The following PRAM1 variants were observed in gnomAD, a reference collection of about 807,000 sequenced individuals.
PRAM1 encodes the protein PML-RARA-regulated adapter molecule 1.
PRAM1 carries 41 observed loss-of-function variants against 55.3 expected under a neutral mutation model. The ratio of observed to expected loss-of-function variants is 0.74; its 90% CI spans 0.58 to 0.96. PRAM1 has a LOEUF of 0.96. Among genes scored for constraint, PRAM1 ranks in the 40% least tolerant of loss-of-function variants. PRAM1 has a pLI of 0.00. For missense variants in PRAM1, 898 were observed against 892.7 expected (o/e 1.01, Z -0.08); for synonymous variants, 401 against 387.1 (o/e 1.04, Z -0.42).
Position 8,490,910 on chromosome 19 carries a change from T to A in PRAM1, c.1720A>T (p.Arg574Trp), listed in dbSNP as rs1299249711. Residue 574 changes from arginine (R) to tryptophan (W), a missense_variant, in exon 6 of 10, where the codon AGG becomes TGG. Physicochemically the swap from Arg to Trp is moderately radical, Grantham distance 101. Transcript: ENST00000423345. This position sits in a 1 kb window ranked among gnomAD's most constrained non-coding sequence, Gnocchi z 7.3. ...ACCTTGAACTTCTTCCGGAACTCCC[T>A]CTCGGCCTTCTCTGCCTTCCTCAGC... is the stretch of plus-strand genomic sequence containing the variant. ...KQLRKAEKAEREFRKKFKFEG... is the reference protein window; with the variant it reads ...KQLRKAEKAEWEFRKKFKFEG... 1.2e-6 allele frequency: 2 copies of A among 1,613,696 alleles called. No individual in the cohort carries two copies. Among genetic ancestry groups the A allele is most frequent in the Non-Finnish European group, 1.7e-6 (2 of 1,179,894 alleles).
At chr19:8,498,113 C>T in intron 3 of PRAM1, 110 bp downstream of exon 3, 1 of 1,193,830 alleles carries the variant, frequency 8.4e-7, no homozygotes, top group Admixed American at 2.1e-5. Context: ...CTCCTGACTT[C>T]AGGAGATCCG....
intron 4 of PRAM1, 179 bp from the exon 5 acceptor site, chr19:8,491,336 C>T (rs1055608368): frequency 2.4e-5 from 16 of 655,830 alleles, no homozygotes; most frequent in African/African-American, 9.0e-5. Flanking sequence ...TGGGTTCAAG[C>T]GATTCTCCTA....
intron 1 of PRAM1, among the ~76,000 whole-genome samples, chr19:8,501,082 C>G (rs1020470199): frequency 1.3e-5 from 2 of 149,770 alleles, no homozygotes; most frequent in African/African-American, 5.0e-5. Flanking sequence ...CTAGACCACC[C>G]TATTTTTCTT....
At chr19:8,497,872 T>C in intron 3 of PRAM1, 32 bp from the exon 4 acceptor site, 1 of 625,944 alleles carries the variant, frequency 1.6e-6, no homozygotes, top group Non-Finnish European at 2.2e-6. Context: ...GGCCTCTTCT[T>C]TTTTTTTTTT....
chr19:8,491,197 C>T (rs767047648), intron 4 of PRAM1, 40 bp from the exon 5 acceptor site: 66 of 1,583,976 alleles, frequency 4.2e-5, no homozygotes, highest in Admixed American at 1.4e-4. Context: ...CAGGGCCCGC[C>T]GGCTCAGCCT....
chr19:8,502,491 G>T, intron 1 of PRAM1, 74 bp downstream of exon 1: 3 of 649,360 alleles, frequency 4.6e-6, no homozygotes, highest in Non-Finnish European at 8.0e-6. Context: ...TCCACAGGTG[G>T]ATCCTATCCT....
At position 8,490,623 on chromosome 19, in the gene PRAM1, T is replaced by A. The variant is rs201703893; in HGVS notation, c.1877A>T (p.Glu626Val). The part of the protein sequence containing the change: ...LEVIEFTSNE[E>V]MLCRDPKGKY... The stretch of plus-strand genomic sequence containing the variant: ...GCCTTTGGGGTCCCGGCACAGCATC[T>A]CCTCATTGCTGGTGAACTCGATCAC... Residue 626 changes from glutamate (E) to valine (V), a missense_variant, in exon 7 of 10, where the codon GAG (glutamate) becomes GTG (valine). Coordinates refer to ENST00000423345, the MANE Select transcript of PRAM1 (RefSeq NM_032152.5). The surrounding 1 kb of genome is among the most constrained non-coding windows in gnomAD (Gnocchi z 7.3). 3.3e-4 allele frequency: 522 copies of A among 1,584,976 alleles called. No homozygotes were observed. The African/African-American group carries it at 6.4e-3, about 19-fold the overall frequency.
In PRAM1 at chr19:8,490,670, G is replaced by A; in HGVS notation, c.1830C>T (p.Ile610=). The A allele has an allele frequency of 6.3e-7, 1 of 1,597,148 alleles. No individual in the cohort carries two copies. Among genetic ancestry groups the A allele is most frequent in the Non-Finnish European group, 8.5e-7 (1 of 1,171,916 alleles). The change falls in exon 7 of 10, where the codon ATC becomes ATT. Residue 610 remains isoleucine (I), a synonymous_variant. Transcript: ENST00000423345. The surrounding 1 kb of genome is among the most constrained non-coding windows in gnomAD (Gnocchi z 7.3). ...TCACCTCCAGGATCTCCCCGCGCCG[G>A]ATCCCGAGGTGCTTGCCACCCCCGC... ...TRRGGGKHLG[I]RRGEILEVIE...
Position 8,491,127 on chromosome 19 carries a change from C to T in PRAM1, c.1607G>A (p.Arg536Lys), listed in dbSNP as rs1454510761. The T allele has an allele frequency of 1.2e-6, 2 of 1,612,032 alleles. No individual in the cohort carries two copies. The highest frequency in any genetic ancestry group is 1.7e-6 in the Non-Finnish European group (2 of 1,179,826). Residue 536 changes from arginine to lysine, a missense_variant, in exon 5 of 10, where the codon AGG (arginine) becomes AAG (lysine). By Grantham distance (26) the Arg-to-Lys change is conservative (BLOSUM62 2). Coordinates refer to ENST00000423345, the MANE Select transcript of PRAM1 (RefSeq NM_032152.5). ...DEAPSVQQAA[R>K]RPPQDPALRK... ...GAGCGCTGGGTCTTGTGGTGGCCTC[C>T]TGGCGGCTTGCTGAACTGAGGGCGC...
intron 1 of PRAM1, 106 bp from the exon 2 acceptor site, chr19:8,499,886 C>G (rs1473814791): frequency 3.1e-6 from 3 of 980,464 alleles, no homozygotes; most frequent in Non-Finnish European, 4.4e-6. Context: ...CACCCCTGCG[C>G]CCAGGCCCGG....
rs1230153329 is a variant in PRAM1 at position 8,499,104 on chromosome 19, C to T, written c.704G>A (p.Gly235Asp). 7 of 1,612,888 alleles carry T rather than the reference C, an allele frequency of 4.3e-6. No homozygotes were observed. Among genetic ancestry groups the T allele is most frequent in the Admixed American group, 1.7e-5 (1 of 59,938 alleles). The change falls in exon 2 of 10, where the codon GGC becomes GAC. Residue 235 changes from glycine (G) to aspartate (D), a missense_variant. By Grantham distance (94) the Gly-to-Asp change is moderately conservative. Around this residue, in one of 4 missense-constraint regions of PRAM1, gnomAD observed 787 missense variants for 735.4 expected, o/e 1.07. Coordinates refer to ENST00000423345, the MANE Select transcript of PRAM1 (RefSeq NM_032152.5). ...CTGCGGCACGGACTTCTTAGGGAGG[C>T]CACCGACCTGAGGCTGCGGAGGCTT... ...PKKPPQPQVG[G>D]LPKKSVPQPE...
rs368204225 is a variant in PRAM1 at position 8,498,270 on chromosome 19, C to G, written c.1452G>C (p.Ser484=). The change falls in exon 3 of 10, where the codon TCG becomes TCC. Residue 484 remains serine, a synonymous_variant. Transcript: ENST00000423345. ...AASIDLRRTR[S]AAGLHFQDRQ... is the part of the protein sequence containing the mutation. ...GGTCCTGGAAGTGGAGCCCAGCGGC[C>G]GAGCGGGTCCTCCGTAGATCTGTGG... 2 of 1,612,630 alleles carry G rather than the reference C, an allele frequency of 1.2e-6. No individual in the cohort carries two copies. Among genetic ancestry groups the G allele is most frequent in the African/African-American group, 1.3e-5 (1 of 75,030 alleles).
At position 8,493,901 on chromosome 19, in the gene PRAM1, G is replaced by A. The variant is rs146886497; in HGVS notation, c.1577-2744C>T. On this transcript the variant is annotated intron_variant, in intron 4 of 9. Coordinates refer to ENST00000423345, the MANE Select transcript of PRAM1 (RefSeq NM_032152.5). The surrounding 1 kb of genome is among the most constrained non-coding windows in gnomAD (Gnocchi z 4.1). ...CAGCCTCCATCTCCTGGATTCAAGC[G>A]ATCCTCCCACCTCAGCCTCCCCAGA... 4.3e-3 allele frequency among the ~76,000 whole-genome samples: 657 copies of A among 152,000 alleles called. 7 individuals carry two copies. Among genetic ancestry groups the A allele is most frequent in the African/African-American group, 0.015 (629 of 41,438 alleles).
chr19:8,500,265 G>A (rs369157422), intron 1 of PRAM1, among the ~76,000 whole-genome samples: 20 of 151,494 alleles, frequency 1.3e-4, no homozygotes, highest in Non-Finnish European at 2.4e-4. Flanking sequence ...GAGCCGCCGC[G>A]CCCAGGCCCC....
chr19:8,497,870 CT>C (rs58671333), intron 3 of PRAM1, 30 bp from the exon 4 acceptor site: 41,536 of 353,602 alleles, frequency 0.12, 3 homozygotes, highest in Middle Eastern at 0.14. Context: ...GAGGCCTCTT[CT>C]TTTTTTTTTT....
Position 8,502,491 on chromosome 19 carries a change from G to C in PRAM1, c.27+74C>G. 18 of 649,366 alleles carry C rather than the reference G, an allele frequency of 2.8e-5. 1 individual carries two copies. Among genetic ancestry groups the C allele is most frequent in the Non-Finnish European group, 4.8e-5 (18 of 375,810 alleles). The allele number at this position is 649,366 out of a possible 1,614,324, so 40.2% of individuals were successfully genotyped here. A position where few individuals can be genotyped will look rare whatever the true frequency, so the allele number is the denominator to read the frequency against. ...CCCCCCGCCCGCCCCTCCACAGGTG[G>C]ATCCTATCCTTCTGGGAACATCTGT... On this transcript the variant is annotated intron_variant, in intron 1 of 9. Coordinates refer to ENST00000423345, the MANE Select transcript of PRAM1 (RefSeq NM_032152.5).
chr19:8,490,527 A>T lies in PRAM1; in HGVS notation c.1907-18T>A. Reference sequence around the variant, plus strand: ...GTAGCCATCTGTGGAGAGAGTGGGCATGGTGGGTTCTGAGGCCCAGGGTGG... The same window carrying T: ...GTAGCCATCTGTGGAGAGAGTGGGCTTGGTGGGTTCTGAGGCCCAGGGTGG... On this transcript the variant is annotated intron_variant, in intron 7 of 9. Coordinates refer to ENST00000423345, the MANE Select transcript of PRAM1 (RefSeq NM_032152.5). The surrounding 1 kb of genome is among the most constrained non-coding windows in gnomAD (Gnocchi z 7.3). 1 of 1,608,682 alleles carries T rather than the reference A, an allele frequency of 6.2e-7. No homozygotes were observed. The highest frequency in any genetic ancestry group is 8.5e-7 in the Non-Finnish European group (1 of 1,177,734).
Position 8,490,905 on chromosome 19 carries a change from C to T in PRAM1, c.1725G>A (p.Glu575=). ...QLRKAEKAER[E]FRKKFKFEGE... ...GCCTCACCTTGAACTTCTTCCGGAACTCCCTCTCGGCCTTCTCTGCCTTCC... is the reference window on the plus strand; with the variant it reads ...GCCTCACCTTGAACTTCTTCCGGAATTCCCTCTCGGCCTTCTCTGCCTTCC... Residue 575 remains glutamate, a synonymous_variant, in exon 6 of 10, where the codon GAG becomes GAA. Coordinates refer to ENST00000423345, the MANE Select transcript of PRAM1 (RefSeq NM_032152.5). The surrounding 1 kb of genome is among the most constrained non-coding windows in gnomAD (Gnocchi z 7.3). 6.2e-7 allele frequency: 1 copy of T among 1,613,650 alleles called. No individual in the cohort carries two copies. The highest frequency in any genetic ancestry group is 8.5e-7 in the Non-Finnish European group (1 of 1,179,890).
In PRAM1 at chr19:8,498,802, G is replaced by T. The variant is rs1424028672; in HGVS notation, c.1006C>A (p.Pro336Thr). 6.3e-7 allele frequency: 1 copy of T among 1,582,360 alleles called. No individual in the cohort carries two copies. Among genetic ancestry groups the T allele is most frequent in the Non-Finnish European group, 8.6e-7 (1 of 1,164,798 alleles). The change falls in exon 2 of 10, where the codon CCC becomes ACC. Residue 336 changes from proline (P) to threonine (T), a missense_variant. Coordinates refer to ENST00000423345, the MANE Select transcript of PRAM1 (RefSeq NM_032152.5). ...LGGLPRTSSE[P>T]EFNSLPRKLL... ...TTCCTGGGGAGTGAGTTGAACTCGGGCTCTGAGGAGGTCCTGGGGAGGCCG... is the reference window on the plus strand; with the variant it reads ...TTCCTGGGGAGTGAGTTGAACTCGGTCTCTGAGGAGGTCCTGGGGAGGCCG...
Sources: gnomAD v4.1 joint callset for allele counts (sites outside exome capture counted in the v4.1 genomes callset) on GRCh38, gnomAD v4.1.1 for gene constraint, gnomAD v4.1.1 regional missense constraint, Gnocchi (gnomAD v3.1) non-coding constraint, MANE v1.5 for transcripts, NCBI Gene and HGNC (gene_info 2026-07-23, HGNC 2026-07-21) for gene names.